Variants in CARHSP1 observed in about 807,000 individuals in gnomAD.
The protein encoded by CARHSP1 is calcium-regulated heat-stable protein 1.
Under a neutral mutation model 12.5 loss-of-function variants are expected in CARHSP1, and 14 were observed. That is an observed-to-expected ratio of 1.12 (90% CI 0.74 to 1.75). CARHSP1 has a LOEUF of 1.75. Ranked by LOEUF, CARHSP1 falls within the 40% of genes most tolerant of loss-of-function variation. The pLI, the probability that CARHSP1 is intolerant of heterozygous loss-of-function variation, is 0.00. For synonymous variants in CARHSP1, 161 were observed against 82.0 expected (o/e 1.96, Z -5.20); for missense variants, 343 against 201.6 (o/e 1.70, Z -4.25).
chr16:8,864,085 G>A (rs1043660497), intron 1 of CARHSP1, among the ~76,000 whole-genome samples: 4 of 152,204 alleles, frequency 2.6e-5, no homozygotes, highest in East Asian at 1.9e-4. Context: ...CAAATGTCAC[G>A]ACCAAGGTGT....
intron 1 of CARHSP1, among the ~76,000 whole-genome samples, chr16:8,865,020 A>G (rs1351268180): frequency 6.6e-6 from 1 of 152,222 alleles, no homozygotes; most frequent in Admixed American, 6.5e-5. Context: ...ATGGGAGCCA[A>G]GCAGCCCTGT....
Position 8,861,649 on chromosome 16 carries a change from A to C in CARHSP1, c.-7-2314T>G, listed in dbSNP as rs910902014. The C allele has an allele frequency of 1.1e-4, 137 of 1,288,864 alleles. No individual in the cohort carries two copies. In the Admixed American group the frequency reaches 2.7e-3, roughly 25 times the overall value. The allele number at this position is 1,288,864 out of a possible 1,614,324, so 79.8% of individuals were successfully genotyped here. ...AGCTGGTGGCTGGCTTGCCTTCTGG[A>C]GGAGGTGGCATCCTACCTCCTGTCC... On this transcript the variant is annotated intron_variant, in intron 1 of 3. Transcript: ENST00000311052.
intron 3 of CARHSP1, among the ~76,000 whole-genome samples, chr16:8,856,538 C>A (rs1342075579): frequency 6.6e-6 from 1 of 151,680 alleles, no homozygotes; most frequent in African/African-American, 2.4e-5. Flanking sequence ...TATGGAAATA[C>A]CCTTACACAT....
rs1567187143 is a variant in CARHSP1, at chr16:8,861,199, T to TTTTTTA, written c.-7-1865_-7-1864insTAAAAA. Among the ~76,000 whole-genome samples, 32 of 60,606 alleles carry TTTTTTA rather than the reference T, an allele frequency of 5.3e-4. 1 individual carries two copies. Among genetic ancestry groups the TTTTTTA allele is most frequent in the Non-Finnish European group, 6.8e-4 (21 of 30,854 alleles). The allele number at this position is 60,606 out of a possible 152,430, so 39.8% of individuals were successfully genotyped here. A position where few individuals can be genotyped will look rare whatever the true frequency, so the allele number is the denominator to read the frequency against. ...TTTTTTTTTTTTTTTTTTTTTTTTT[T>TTTTTTA]ATAGAGACAGGGTATCACTATGTTG... is the stretch of plus-strand genomic sequence containing the variant. On this transcript the variant is annotated intron_variant, in intron 1 of 3. Transcript: ENST00000311052.
In CARHSP1 at chr16:8,859,223, C is replaced by T. The variant is rs2231705; in HGVS notation, c.106G>A (p.Gly36Ser). 26 of 1,602,350 alleles carry T rather than the reference C, an allele frequency of 1.6e-5. No homozygotes were observed. The highest frequency in any genetic ancestry group is 4.5e-5 in the East Asian group (2 of 44,612). The stretch of plus-strand genomic sequence containing the variant: ...GGCAGTGGGCTTGGGACCACGTTGC[C>T]CCGCAGAGGGGATGGTGAGCGCTCA... ...SRERSPSPLR[G>S]NVVPSPLPTR... Residue 36 changes from glycine (G) to serine (S), a missense_variant, in exon 2 of 4, where the codon GGC becomes AGC. Coordinates refer to ENST00000311052, the MANE Select transcript of CARHSP1 (RefSeq NM_014316.4).
At chr16:8,867,195 C>T (rs1243626820) in intron 1 of CARHSP1, 1 of 152,308 alleles carries the variant, frequency 6.6e-6, no homozygotes, top group Non-Finnish European at 1.5e-5. Flanking sequence ...CTCTACACGC[C>T]TCCCCCACTC....
At chr16:8,861,483 C>A (rs189265889) in intron 1 of CARHSP1, among the ~76,000 whole-genome samples, 1 of 152,014 alleles carries the variant, frequency 6.6e-6, no homozygotes, top group African/African-American at 2.4e-5. Context: ...CCGCACCCCC[C>A]GAACCGCCTT....
At chr16:8,862,294 A>G (rs2061379122) in intron 1 of CARHSP1, among the ~76,000 whole-genome samples, 1 of 152,026 alleles carries the variant, frequency 6.6e-6, no homozygotes, top group Admixed American at 6.6e-5. Context: ...CCGATTTCAC[A>G]CCATCAGGCT....
intron 1 of CARHSP1, chr16:8,867,194 C>T (rs1258926196): frequency 2.0e-5 from 3 of 152,496 alleles, no homozygotes; most frequent in Middle Eastern, 6.7e-3. Flanking sequence ...ACTCTACACG[C>T]CTCCCCCACT....
chr16:8,858,249 C>T lies in CARHSP1; in HGVS notation c.281+101G>A, dbSNP rs886948656. The T allele has an allele frequency of 3.2e-5, 44 of 1,393,516 alleles. No homozygotes were observed. The South Asian group carries it at 5.9e-4, about 19-fold the overall frequency. 86.3% of individuals were successfully genotyped at this position (1,393,516 alleles called of 1,614,324 possible). A position where few individuals can be genotyped will look rare whatever the true frequency, so the allele number is the denominator to read the frequency against. ...AGTCACACAGGCCCAGCCATTCGTC[C>T]TCACACCCAGCGCCCATCAGAGTCA... On this transcript the variant is annotated intron_variant, in intron 3 of 3. Coordinates refer to ENST00000311052, the MANE Select transcript of CARHSP1 (RefSeq NM_014316.4).
intron 1 of CARHSP1, 59 bp from the exon 2 acceptor site, chr16:8,859,394 A>T (rs574300711): frequency 7.5e-6 from 11 of 1,473,438 alleles, no homozygotes; most frequent in Non-Finnish European, 9.2e-6. Context: ...CCCTGTGCTT[A>T]CCCCCATGTC....
intron 1 of CARHSP1, chr16:8,861,706 A>T (rs1334096028): frequency 1.6e-5 from 21 of 1,288,536 alleles, no homozygotes; most frequent in Non-Finnish European, 2.0e-5. Context: ...GCCAAGGAGG[A>T]ACTCCTGAGT....
intron 3 of CARHSP1, among the ~76,000 whole-genome samples, chr16:8,857,252 TG>T (rs920834346): frequency 1.4e-5 from 2 of 145,660 alleles, no homozygotes; most frequent in Non-Finnish European, 3.0e-5. Context: ...TATGTGATCT[TG>T]GGCAGATCTG....
At chr16:8,864,783 C>T (rs866537264) in intron 1 of CARHSP1, among the ~76,000 whole-genome samples, 6 of 152,180 alleles carry the variant, frequency 3.9e-5, no homozygotes, top group African/African-American at 9.7e-5. Flanking sequence ...ATGGGTGTGT[C>T]GGCTGGGAGA....
In CARHSP1 at chr16:8,858,080, A is replaced by C. The variant is rs574612564; in HGVS notation, c.281+270T>G. The C allele has an allele frequency of 2.6e-4, 122 of 476,422 alleles. 3 individuals are homozygous for C. The South Asian group carries it at 2.8e-3, about 11-fold the overall frequency. The allele number at this position is 476,422 out of a possible 1,614,324, so 29.5% of individuals were successfully genotyped here. A position where few individuals can be genotyped will look rare whatever the true frequency, so the allele number is the denominator to read the frequency against. The stretch of plus-strand genomic sequence containing the variant: ...GCCCAGCACACACAAAACCTTACAC[A>C]CCCATTCACAAAGACACACCCAGGG... On this transcript the variant is annotated intron_variant, in intron 3 of 3. Transcript: ENST00000311052.
At position 8,859,685 on chromosome 16, in the gene CARHSP1, C is replaced by A. The variant is rs116379302; in HGVS notation, c.-7-350G>T. 1,183 of 181,690 alleles carry A rather than the reference C, an allele frequency of 6.5e-3. 11 individuals are homozygous for A. Among genetic ancestry groups the A allele is most frequent in the African/African-American group, 0.027 (1,133 of 42,726 alleles). 11.3% of individuals were successfully genotyped at this position (181,690 alleles called of 1,614,324 possible). ...GGAAGGAGGAAGGTGAGCAGAAAAC[C>A]CAAAGCCAGGGGCCGGGCGCAGTGG... On this transcript the variant is annotated intron_variant, in intron 1 of 3. Transcript: ENST00000311052.
intron 1 of CARHSP1, chr16:8,860,471 C>A (rs1167977032): frequency 1.0e-6 from 1 of 985,274 alleles, no homozygotes; most frequent in Non-Finnish European, 1.2e-6. Context: ...AAGGTGTCGG[C>A]TCTAACGTGG....
At chr16:8,866,911 A>T (rs1345207683) in intron 1 of CARHSP1, among the ~76,000 whole-genome samples, 1 of 152,104 alleles carries the variant, frequency 6.6e-6, no homozygotes, top group East Asian at 1.9e-4. Flanking sequence ...CCAAGCTGGG[A>T]ATAGCTCTTC....
At chr16:8,858,776 C>T in intron 2 of CARHSP1, 2 of 447,268 alleles carry the variant, frequency 4.5e-6, no homozygotes, top group Non-Finnish European at 8.0e-6. Flanking sequence ...ATTAATAACA[C>T]AAGCATCCTC....
Sources: gnomAD v4.1 joint callset for allele counts (sites outside exome capture counted in the v4.1 genomes callset) on GRCh38, gnomAD v4.1.1 for gene constraint, MANE v1.5 for transcripts, NCBI Gene and HGNC (gene_info 2026-07-23, HGNC 2026-07-21) for gene names.